The following CTDSPL2 variants were observed in gnomAD, a reference collection of about 807,000 sequenced individuals.
CTDSPL2 encodes CTD small phosphatase-like protein 2.
A neutral mutation model predicts 60.0 loss-of-function variants in CTDSPL2; 5 were observed. The observed-to-expected ratio is 0.08, with a 90% confidence interval of 0.04 to 0.18. The LOEUF is 0.18. CTDSPL2 is among the 10% of genes least tolerant of loss of function. CTDSPL2 has a pLI of 1.00. For synonymous variants in CTDSPL2, 186 were observed against 189.3 expected (o/e 0.98, Z 0.14); for missense variants, 370 against 548.8 (o/e 0.67, Z 3.26).
intron 2 of CTDSPL2, among the ~76,000 whole-genome samples, chr15:44,463,371 A>G (rs1363947385): frequency 4.0e-5 from 6 of 149,660 alleles, no homozygotes; most frequent in Non-Finnish European, 7.4e-5. Flanking sequence ...TGAACTCCTG[A>G]CCTCAAGTGA....
chr15:44,484,080 A>G, intron 2 of CTDSPL2, 144 bp from the exon 3 acceptor site: 1 of 669,206 alleles, frequency 1.5e-6, no homozygotes, highest in Non-Finnish European at 2.4e-6. Context: ...TTCTGTGTTG[A>G]TATTACCTAT....
At position 44,485,865 on chromosome 15, in the gene CTDSPL2, A is replaced by G. The variant is rs1187623946; in HGVS notation, c.326-686A>G. ...ACAAAATAGAGAAAGAAACAAGTTAAAAGAACCATAGCAAAGAAGGAAATA... is the reference window on the plus strand; with the variant it reads ...ACAAAATAGAGAAAGAAACAAGTTAGAAGAACCATAGCAAAGAAGGAAATA... On this transcript the variant is annotated intron_variant, in intron 3 of 12. Coordinates refer to ENST00000260327, the MANE Select transcript of CTDSPL2 (RefSeq NM_016396.3). 5.3e-5 allele frequency among the ~76,000 whole-genome samples: 8 copies of G among 152,230 alleles called. No individual in the cohort carries two copies. The East Asian group carries it at 1.5e-3, about 29-fold the overall frequency.
At chr15:44,510,800 G>A (rs2081552879) in intron 8 of CTDSPL2, among the ~76,000 whole-genome samples, 1 of 152,184 alleles carries the variant, frequency 6.6e-6, no homozygotes, top group South Asian at 2.1e-4. Flanking sequence ...GTCTGTTTTT[G>A]TATCTCTGAC....
chr15:44,435,270 A>G (rs2079952888), intron 1 of CTDSPL2, among the ~76,000 whole-genome samples: 1 of 151,706 alleles, frequency 6.6e-6, no homozygotes, highest in Non-Finnish European at 1.5e-5. Context: ...AAAAAAAAAA[A>G]AAAAAAAGAA....
intron 8 of CTDSPL2, among the ~76,000 whole-genome samples, chr15:44,504,372 A>G (rs2081425525): frequency 2.0e-5 from 3 of 152,234 alleles, no homozygotes; most frequent in Admixed American, 1.3e-4. Context: ...AAAGAACAAG[A>G]GAAGTAGAGG....
At chr15:44,435,768 G>A (rs955747510) in intron 1 of CTDSPL2, among the ~76,000 whole-genome samples, 2 of 151,822 alleles carry the variant, frequency 1.3e-5, no homozygotes, top group African/African-American at 2.4e-5. Flanking sequence ...CACCACGCCT[G>A]GCTAATTTTT....
chr15:44,454,020 G>A (rs1035726557), intron 1 of CTDSPL2, among the ~76,000 whole-genome samples: 5 of 152,154 alleles, frequency 3.3e-5, no homozygotes, highest in Non-Finnish European at 7.3e-5. Context: ...CACAATGGTC[G>A]AACTAGTTTA....
chr15:44,434,091 TTTA>T (rs1370106269), intron 1 of CTDSPL2, among the ~76,000 whole-genome samples: 1 of 151,938 alleles, frequency 6.6e-6, no homozygotes, highest in African/African-American at 2.4e-5. Flanking sequence ...TATTTATTTA[TTTA>T]TTTTTTTCTT....
rs1204344163 is a variant in CTDSPL2 at position 44,499,926 on chromosome 15, A to G, written c.969+113A>G. On this transcript the variant is annotated intron_variant, in intron 8 of 12. Coordinates refer to ENST00000260327, the MANE Select transcript of CTDSPL2 (RefSeq NM_016396.3). ...ATTAAATGTGTTTTTCTGTAGAAGT[A>G]TAATGGATTTCATCAACATTTTAAT... 11 of 611,818 alleles carry G rather than the reference A, an allele frequency of 1.8e-5. No homozygotes were observed. The East Asian group carries it at 3.1e-4, about 17-fold the overall frequency. The allele number at this position is 611,818 out of a possible 1,614,324, so 37.9% of individuals were successfully genotyped here. A position where few individuals can be genotyped will look rare whatever the true frequency, so the allele number is the denominator to read the frequency against.
intron 3 of CTDSPL2, among the ~76,000 whole-genome samples, chr15:44,485,605 G>A (rs905878237): frequency 2.6e-5 from 4 of 152,208 alleles, no homozygotes; most frequent in East Asian, 1.9e-4. Context: ...GAGCTCAGGC[G>A]TTAATGCTTG....
chr15:44,499,803 T>A lies in CTDSPL2; in HGVS notation c.959T>A (p.Val320Asp), dbSNP rs1400592701. ...ALTFPVLFQD[V>D]IYQVYVRLRP... ...ACTTTTCCAGTCCTTTTCCAAGATG[T>A]CATTTATCAGGTAATTAAAATTTTT... Residue 320 changes from valine to aspartate, a missense_variant, in exon 8 of 13, where the codon GTC (valine) becomes GAC (aspartate). Physicochemically the swap from Val to Asp is radical, Grantham distance 152. Transcript: ENST00000260327. 1.9e-6 allele frequency: 3 copies of A among 1,601,098 alleles called. No homozygotes were observed. The highest frequency in any genetic ancestry group is 2.6e-6 in the Non-Finnish European group (3 of 1,169,950).
At chr15:44,463,879 G>GT (rs2080627681) in intron 2 of CTDSPL2, among the ~76,000 whole-genome samples, 2 of 152,168 alleles carry the variant, frequency 1.3e-5, no homozygotes, top group Non-Finnish European at 1.5e-5. Flanking sequence ...ATCTTTTGAT[G>GT]TTTTATAGGT....
intron 7 of CTDSPL2, 75 bp downstream of exon 7, chr15:44,497,213 T>C: frequency 1.2e-6 from 1 of 849,414 alleles, no homozygotes; most frequent in Non-Finnish European, 1.8e-6. Context: ...TATGTTAGCT[T>C]TCCCTTTTTT....
chr15:44,511,867 CAAA>C (rs68063380), intron 8 of CTDSPL2, among the ~76,000 whole-genome samples: 2 of 30,618 alleles, frequency 6.5e-5, no homozygotes, highest in East Asian at 1.2e-3. Context: ...GACGGTCTCG[CAAA>C]AAAAAAAAAA....
chr15:44,494,882 C>T (rs2081272182), intron 5 of CTDSPL2, among the ~76,000 whole-genome samples: 2 of 152,072 alleles, frequency 1.3e-5, no homozygotes, highest in South Asian at 2.1e-4. Flanking sequence ...CGCCACTGCA[C>T]TCCAGCCTGG....
chr15:44,432,599 C>T (rs1330189750), intron 1 of CTDSPL2, among the ~76,000 whole-genome samples: 8 of 148,854 alleles, frequency 5.4e-5, no homozygotes, highest in Admixed American at 1.3e-4. Context: ...GGATTAGAGG[C>T]GTGAGCCACT....
chr15:44,454,891 G>C (rs1353774085), intron 1 of CTDSPL2, among the ~76,000 whole-genome samples: 5 of 152,222 alleles, frequency 3.3e-5, no homozygotes, highest in African/African-American at 1.2e-4. Context: ...TTTGGCTTAG[G>C]ATTGTCTTGG....
At chr15:44,437,431 G>A (rs2080000013) in intron 1 of CTDSPL2, among the ~76,000 whole-genome samples, 2 of 152,146 alleles carry the variant, frequency 1.3e-5, no homozygotes, top group African/African-American at 2.4e-5. Flanking sequence ...GTTAATACAA[G>A]GCAATTTGAA....
rs1419175899 is a variant in CTDSPL2, at chr15:44,527,626, C to T, written c.*3452C>T. The T allele has an allele frequency of 6.6e-6, 1 of 152,206 alleles. No homozygotes were observed. Among genetic ancestry groups the T allele is most frequent in the African/African-American group, 2.4e-5 (1 of 41,466 alleles). 9.4% of individuals were successfully genotyped at this position (152,206 alleles called of 1,614,324 possible). A position where few individuals can be genotyped will look rare whatever the true frequency, so the allele number is the denominator to read the frequency against. ...TACATCATTAGCTAGTTAAGGTTTT[C>T]TGACCTGACTTCTCTTTGTCTTCCT... is the stretch of plus-strand genomic sequence containing the variant. On this transcript the variant is annotated 3_prime_UTR_variant, in exon 13 of 13. Coordinates refer to ENST00000260327, the MANE Select transcript of CTDSPL2 (RefSeq NM_016396.3).
Sources: allele counts gnomAD v4.1 joint callset (sites outside exome capture counted in the v4.1 genomes callset), GRCh38; gene constraint gnomAD v4.1.1; transcripts MANE v1.5; gene names NCBI Gene and HGNC (gene_info 2026-07-23, HGNC 2026-07-21).